Variants in AHCY observed in about 807,000 individuals in gnomAD.
The protein encoded by AHCY is S-adenosyl-L-homocysteine hydrolase.
Under a neutral mutation model 45.4 loss-of-function variants are expected in AHCY, and 24 were observed. The ratio of observed to expected loss-of-function variants is 0.53; its 90% CI spans 0.38 to 0.74. The LOEUF is 0.74. Among genes scored for constraint, AHCY ranks in the 30% least tolerant of loss-of-function variants. The pLI is 0.00. For missense variants in AHCY, 449 were observed against 594.1 expected (o/e 0.76, Z 2.54); for synonymous variants, 245 against 235.1 (o/e 1.04, Z -0.39).
chr20:34,308,695 C>T (rs1231747270), intron 1 of AHCY, among the ~76,000 whole-genome samples: 2 of 151,070 alleles, frequency 1.3e-5, no homozygotes, highest in Non-Finnish European at 2.9e-5. Context: ...GCTCTGTCAC[C>T]CAGGCTGGGG....
At position 34,302,892 on chromosome 20, in the gene AHCY, G is replaced by A. The variant is rs564188860; in HGVS notation, c.28+351C>T. On this transcript the variant is annotated intron_variant, in intron 1 of 9. Transcript: ENST00000217426. ...CTGGACAGGGTCCGGTCCAGGCCTAGGAGGCCGGGCGCAGGCCCCCCGAGC... is the reference window on the plus strand; with the variant it reads ...CTGGACAGGGTCCGGTCCAGGCCTAAGAGGCCGGGCGCAGGCCCCCCGAGC... The A allele has an allele frequency of 8.5e-5, 84 of 985,462 alleles. No individual in the cohort carries two copies. In the African/African-American group the frequency reaches 1.4e-3, roughly 16 times the overall value. The allele number at this position is 985,462 out of a possible 1,614,324, so 61.0% of individuals were successfully genotyped here. A position where few individuals can be genotyped will look rare whatever the true frequency, so the allele number is the denominator to read the frequency against.
chr20:34,246,362 A>G, the AHCY span: 1 of 1,490,078 alleles, frequency 6.7e-7, no homozygotes, highest in South Asian at 1.2e-5. Flanking sequence ...TTCATTTAGA[A>G]AATTCTTCTC....
Position 34,290,679 on chromosome 20 carries a change from T to A in AHCY, c.767-41A>T. 1 of 1,613,882 alleles carries A rather than the reference T, an allele frequency of 6.2e-7. No individual in the cohort carries two copies. ...GGCTGTGGGTCATCTACGGTGGCCT[T>A]GCCCCTCCCTCTGGCCCCAGTGGCT... On this transcript the variant is annotated intron_variant, in intron 6 of 9. Coordinates refer to ENST00000217426, the MANE Select transcript of AHCY (RefSeq NM_000687.4). The surrounding 1 kb of genome is among the most constrained non-coding windows in gnomAD (Gnocchi z 4.5).
intron 1 of AHCY, chr20:34,302,902 C>A (rs985530095): frequency 1.0e-6 from 1 of 985,348 alleles, no homozygotes; most frequent in African/African-American, 1.7e-5. Context: ...GGAGGCCGGG[C>A]GCAGGCCCCC....
the AHCY span, among the ~76,000 whole-genome samples, chr20:34,251,301 C>T: frequency 4.6e-5 from 7 of 150,972 alleles, no homozygotes; most frequent in East Asian, 1.9e-4. Flanking sequence ...GACAGAGTCT[C>T]GCTCCGTCGC....
chr20:34,296,940 G>T (rs1033948319), intron 1 of AHCY, among the ~76,000 whole-genome samples: 1 of 152,142 alleles, frequency 6.6e-6, no homozygotes, highest in Admixed American at 6.6e-5. Flanking sequence ...AGACCACTCC[G>T]GCTGTGCCTC....
chr20:34,302,737 C>T, intron 1 of AHCY: 1 of 989,802 alleles, frequency 1.0e-6, no homozygotes, highest in Non-Finnish European at 1.2e-6. Context: ...GCCCAAAGTC[C>T]CAGGGGAGAG....
the AHCY span, chr20:34,241,619 G>A: frequency 1.2e-6 from 1 of 840,340 alleles, no homozygotes; most frequent in South Asian, 5.4e-5. Context: ...TCACTTTTGT[G>A]GGTCAGAGTA....
the AHCY span, among the ~76,000 whole-genome samples, chr20:34,243,459 A>T: frequency 1.3e-5 from 2 of 151,706 alleles, no homozygotes; most frequent in Non-Finnish European, 2.9e-5. Flanking sequence ...AGAAAAAATT[A>T]TTCTGAATTT....
rs1031700171 is a variant in AHCY, at chr20:34,303,338, G to A, written c.-68C>T. On this transcript the variant is annotated 5_prime_UTR_variant, in exon 1 of 10. Coordinates refer to ENST00000217426, the MANE Select transcript of AHCY (RefSeq NM_000687.4). ...CTCAGTCTGGGAACAGGAACTGGGCGGGCAGCGCCGAGCAGGGATATGCGC... is the reference window on the plus strand; with the variant it reads ...CTCAGTCTGGGAACAGGAACTGGGCAGGCAGCGCCGAGCAGGGATATGCGC... The A allele has an allele frequency of 7.1e-6, 11 of 1,547,632 alleles. No individual in the cohort carries two copies. The highest frequency in any genetic ancestry group is 2.4e-5 in the East Asian group (1 of 40,890).
At chr20:34,305,403 T>C (rs954726198), upstream of AHCY, among the ~76,000 whole-genome samples, 1 of 152,140 alleles carries the variant, frequency 6.6e-6, no homozygotes, top group African/African-American at 2.4e-5. Context: ...TCTGTACATC[T>C]GACCTCTGTC....
the AHCY span, among the ~76,000 whole-genome samples, chr20:34,243,775 A>AAAC: frequency 6.6e-6 from 1 of 151,742 alleles, no homozygotes; most frequent in African/African-American, 2.4e-5. Flanking sequence ...AAAAAAAAAA[A>AAAC]ACTGTCTCGC....
chr20:34,286,897 T>G (rs191880253), intron 8 of AHCY, among the ~76,000 whole-genome samples: 1 of 149,334 alleles, frequency 6.7e-6, no homozygotes, highest in Non-Finnish European at 1.5e-5. Flanking sequence ...CCTATTCCTG[T>G]GGCCCACAGT....
At chr20:34,246,218 T>C in the AHCY span, 11 of 1,484,060 alleles carry the variant, frequency 7.4e-6, no homozygotes, top group Non-Finnish European at 1.0e-5. Flanking sequence ...TGGTATGGTC[T>C]TCTTTTTTTG....
the AHCY span, among the ~76,000 whole-genome samples, chr20:34,236,947 ATTT>A: frequency 6.6e-6 from 1 of 152,136 alleles, no homozygotes; most frequent in Non-Finnish European, 1.5e-5. Context: ...TCCTAGTACC[ATTT>A]GTTGAAAAAA....
chr20:34,243,891 C>T, the AHCY span, among the ~76,000 whole-genome samples: 1 of 151,986 alleles, frequency 6.6e-6, no homozygotes, highest in African/African-American at 2.4e-5. Context: ...GATGAAACCC[C>T]GTCTCTACTA....
At chr20:34,246,036 T>A in the AHCY span, 1 of 938,670 alleles carries the variant, frequency 1.1e-6, no homozygotes, top group Non-Finnish European at 1.7e-6. Context: ...TTATGTCATC[T>A]GTAAAGTCTC....
chr20:34,232,335 C>G, the AHCY span, among the ~76,000 whole-genome samples: 2 of 152,146 alleles, frequency 1.3e-5, no homozygotes, highest in Non-Finnish European at 2.9e-5. Context: ...CAGAATGTCT[C>G]TCAACAGCAT....
Position 34,290,951 on chromosome 20 carries a change from G to T in AHCY, c.559-13C>A. ...TGTCAAACTTGCTCTGAAAGGAAAG[G>T]GGGTAAGGAGACAATAGGGGCAGGC... On this transcript the variant is annotated splice_polypyrimidine_tract_variant and intron_variant, in intron 5 of 9. Coordinates refer to ENST00000217426, the MANE Select transcript of AHCY (RefSeq NM_000687.4). This position sits in a 1 kb window ranked among gnomAD's most constrained non-coding sequence, Gnocchi z 4.5. The T allele has an allele frequency of 1.2e-6, 2 of 1,613,792 alleles. No homozygotes were observed. Among genetic ancestry groups the T allele is most frequent in the Non-Finnish European group, 1.7e-6 (2 of 1,179,790 alleles).
Sources: gnomAD v4.1 joint callset for allele counts (sites outside exome capture counted in the v4.1 genomes callset) on GRCh38, gnomAD v4.1.1 for gene constraint, Gnocchi (gnomAD v3.1) non-coding constraint, MANE v1.5 for transcripts, NCBI Gene and HGNC (gene_info 2026-07-23, HGNC 2026-07-21) for gene names.